GALNT5: variants seen among roughly 807,000 people sequenced by gnomAD.
GALNT5 encodes the protein polypeptide N-acetylgalactosaminyltransferase 5, also known as UDP-GalNAc:polypeptide N-acetylgalactosaminyltransferase 5.
In GALNT5, 72 loss-of-function variants were observed where a neutral mutation model predicts 85.4. That is an observed-to-expected ratio of 0.84 (90% CI 0.70 to 1.03). The LOEUF is 1.03. Ranked by LOEUF, GALNT5 falls within the 50% of genes least tolerant of loss-of-function variation. The probability of loss-of-function intolerance (pLI) is 0.00; values close to 1 mark genes in which losing one functional copy is unlikely to be tolerated. For synonymous variants in GALNT5, 404 were observed against 397.0 expected, an observed-to-expected ratio of 1.02 and a Z score of -0.21; for missense variants, 1,137 against 1,135.5, an observed-to-expected ratio of 1.00 and a Z score of -0.02.
chr2:157,292,119 T>C lies in GALNT5; in HGVS notation c.1742-3544T>C, dbSNP rs957837661. Among the ~76,000 whole-genome samples, 27 of 152,182 alleles carry C rather than the reference T, an allele frequency of 1.8e-4. 1 individual carries two copies. ...AGATATCAGGTAGCTCTTAGAAATA[T>C]CTTCATAGGGCAAAGCTCAAAAAAG... is the stretch of plus-strand genomic sequence containing the variant. On this transcript the variant is annotated intron_variant, in intron 3 of 9. Transcript: ENST00000259056.
chr2:157,307,110 T>C (rs1198100033), intron 8 of GALNT5, among the ~76,000 whole-genome samples: 2 of 152,056 alleles, frequency 1.3e-5, no homozygotes, highest in African/African-American at 2.4e-5. Flanking sequence ...GACCATTGAG[T>C]CTTTCTCAAT....
chr2:157,258,742 C>T lies in GALNT5; in HGVS notation c.660C>T (p.Ile220=). The T allele has an allele frequency of 1.2e-6, 2 of 1,613,960 alleles. No individual in the cohort carries two copies. The highest frequency in any genetic ancestry group is 1.7e-6 in the Non-Finnish European group (2 of 1,179,960). The part of the protein sequence containing the change: ...LAAERDLNVT[I]SLSTDRPKQR... ...CTGAAAGGGACTTGAATGTGACCATCAGTCTTAGTACTGATAGACCAAAGC... is the reference window on the plus strand; with the variant it reads ...CTGAAAGGGACTTGAATGTGACCATTAGTCTTAGTACTGATAGACCAAAGC... Residue 220 remains isoleucine (I), a synonymous_variant, in exon 1 of 10, where the codon ATC becomes ATT. Transcript: ENST00000259056.
Position 157,317,947 on chromosome 2 carries a change from G to T in GALNT5, c.*6599G>T, listed in dbSNP as rs534518622. Among the ~76,000 whole-genome samples the T allele has an allele frequency of 1.3e-5, 2 of 152,060 alleles. No homozygotes were observed. Among genetic ancestry groups the T allele is most frequent in the African/African-American group, 4.8e-5 (2 of 41,496 alleles). On this transcript the variant is annotated 3_prime_UTR_variant, in exon 10 of 10. Coordinates refer to ENST00000259056, the MANE Select transcript of GALNT5 (RefSeq NM_014568.3). ...TTGAAGTTAAGTAGAATATTGTAGG[G>T]GTTATCAGAAACCCATATTCATTGT...
intron 3 of GALNT5, among the ~76,000 whole-genome samples, chr2:157,293,582 G>A (rs190101698): frequency 4.6e-5 from 7 of 152,260 alleles, no homozygotes; most frequent in Admixed American, 1.3e-4. Flanking sequence ...TTCCAGCCTG[G>A]TCAGGAGATG....
intron 8 of GALNT5, among the ~76,000 whole-genome samples, chr2:157,306,681 A>G (rs1038843752): frequency 6.6e-6 from 1 of 152,194 alleles, no homozygotes; most frequent in African/African-American, 2.4e-5. Context: ...TGCAATGGTA[A>G]TCTAGGCTTG....
chr2:157,281,360 T>C (rs564515695), intron 1 of GALNT5, among the ~76,000 whole-genome samples: 249 of 152,310 alleles, frequency 1.6e-3, no homozygotes, highest in Non-Finnish European at 2.7e-3. Flanking sequence ...GCCAGGTGGA[T>C]TTCTTTGTAG....
intron 1 of GALNT5, among the ~76,000 whole-genome samples, chr2:157,271,076 A>T (rs1263543334): frequency 1.3e-5 from 2 of 150,476 alleles, no homozygotes; most frequent in African/African-American, 4.9e-5. Flanking sequence ...TGATCACGCC[A>T]CTCCACTCCA....
chr2:157,292,060 A>G (rs923692192), intron 3 of GALNT5, among the ~76,000 whole-genome samples: 12 of 152,208 alleles, frequency 7.9e-5, no homozygotes, highest in Admixed American at 5.2e-4. Context: ...GATTATTCTG[A>G]CAGTAAATTA....
Position 157,259,333 on chromosome 2 carries a change from C to A in GALNT5, c.1251C>A (p.Asp417Glu). 1 of 1,566,174 alleles carries A rather than the reference C, an allele frequency of 6.4e-7. No homozygotes were observed. The highest frequency in any genetic ancestry group is 1.2e-5 in the South Asian group (1 of 81,748). Residue 417 changes from aspartate to glutamate, a missense_variant, in exon 1 of 10, where the codon GAC becomes GAA. By Grantham distance (45) the Asp-to-Glu change is conservative (BLOSUM62 2). Coordinates refer to ENST00000259056, the MANE Select transcript of GALNT5 (RefSeq NM_014568.3). ...ATATAAAAGCCCTTTTACCTGAAGA[C>A]AGTGGAACGCACCAGGTGTTAAGAA... Reference protein sequence around the residue: ...QSHIKALLPEDSGTHQVLRID... With the variant: ...QSHIKALLPEESGTHQVLRID...
At position 157,276,920 on chromosome 2, in the gene GALNT5, T is replaced by C. The variant is rs542144791; in HGVS notation, c.1455-7362T>C. Among the ~76,000 whole-genome samples, 5 of 152,326 alleles carry C rather than the reference T, an allele frequency of 3.3e-5. 1 individual carries two copies. In the East Asian group the frequency reaches 9.6e-4, roughly 29 times the overall value. ...TCTTTTAATTTGTGATGTTAGGGTG[T>C]CAATTTTAGATCTTTCCTGCTTTCT... On this transcript the variant is annotated intron_variant, in intron 1 of 9. Transcript: ENST00000259056.
chr2:157,292,594 G>T (rs1417088537), intron 3 of GALNT5, among the ~76,000 whole-genome samples: 2 of 152,180 alleles, frequency 1.3e-5, no homozygotes, highest in African/African-American at 4.8e-5. Flanking sequence ...GACTGAGAAA[G>T]ATAATCCAGG....
chr2:157,289,972 G>T (rs1382160128), intron 3 of GALNT5, among the ~76,000 whole-genome samples: 1 of 151,468 alleles, frequency 6.6e-6, no homozygotes, highest in Admixed American at 6.6e-5. Context: ...TACTCAGGAG[G>T]CTGAGGCAGA....
chr2:157,314,277 T>G lies in GALNT5; in HGVS notation c.*2929T>G, dbSNP rs1259803851. 6.6e-6 allele frequency: 1 copy of G among 152,142 alleles called. No homozygotes were observed. The highest frequency in any genetic ancestry group is 1.9e-4 in the East Asian group (1 of 5,200). The allele number at this position is 152,142 out of a possible 1,614,324, so 9.4% of individuals were successfully genotyped here. A position where few individuals can be genotyped will look rare whatever the true frequency, so the allele number is the denominator to read the frequency against. ...ATACAAGGGTGGTCTTGATAATATT[T>G]GACAGCACTAACCAACTTACCAAGC... On this transcript the variant is annotated 3_prime_UTR_variant, in exon 10 of 10. Transcript: ENST00000259056.
At chr2:157,291,207 GT>G (rs1683090083) in intron 3 of GALNT5, among the ~76,000 whole-genome samples, 1 of 152,180 alleles carries the variant, frequency 6.6e-6, no homozygotes, top group African/African-American at 2.4e-5. Context: ...CAGTCAGGCA[GT>G]AGAGAGTCAA....
At chr2:157,260,336 C>T (rs1039951903) in intron 1 of GALNT5, among the ~76,000 whole-genome samples, 36 of 152,374 alleles carry the variant, frequency 2.4e-4, no homozygotes, top group African/African-American at 7.2e-4. Flanking sequence ...GAAGTTACAA[C>T]ACTTTCTCAA....
intron 1 of GALNT5, among the ~76,000 whole-genome samples, chr2:157,269,768 T>C (rs1052998677): frequency 1.2e-4 from 18 of 152,268 alleles, no homozygotes; most frequent in Admixed American, 9.8e-4. Context: ...ACTCTACTAA[T>C]TTAAAATATA....
intron 1 of GALNT5, among the ~76,000 whole-genome samples, chr2:157,261,045 C>T (rs1464586550): frequency 1.3e-5 from 2 of 152,128 alleles, no homozygotes; most frequent in African/African-American, 2.4e-5. Context: ...TGCCAATCTC[C>T]CCTCAAAAAG....
At chr2:157,298,097 T>C (rs1187712062) in intron 5 of GALNT5, among the ~76,000 whole-genome samples, 2 of 152,132 alleles carry the variant, frequency 1.3e-5, no homozygotes. Flanking sequence ...GTAAAGTTTG[T>C]GTGTGGTTGT....
chr2:157,304,611 G>C (rs1683415056), intron 7 of GALNT5, among the ~76,000 whole-genome samples: 1 of 152,186 alleles, frequency 6.6e-6, no homozygotes, highest in African/African-American at 2.4e-5. Context: ...CCGCTGTTAT[G>C]TGGAAGACCT....
Sources: gnomAD v4.1 joint callset for allele counts (sites outside exome capture counted in the v4.1 genomes callset) on GRCh38, gnomAD v4.1.1 for gene constraint, MANE v1.5 for transcripts, NCBI Gene and HGNC (gene_info 2026-07-23, HGNC 2026-07-21) for gene names.